The following SELENOF variants were observed in gnomAD, a reference collection of about 807,000 sequenced individuals.
The protein encoded by SELENOF is 15 kDa selenoprotein.
Under a neutral mutation model 20.5 loss-of-function variants are expected in SELENOF, and 16 were observed. That is an observed-to-expected ratio of 0.78 (90% confidence interval 0.53 to 1.19). SELENOF has a LOEUF of 1.19. Among genes scored for constraint, SELENOF ranks in the 50% most tolerant of loss-of-function variants. The pLI is 0.00. For missense variants in SELENOF, 215 were observed against 194.2 expected (o/e 1.11, Z -0.64); for synonymous variants, 78 against 74.5 (o/e 1.05, Z -0.24).
chr1:86,896,048 T>A (rs758433083), intron 2 of SELENOF, among the ~76,000 whole-genome samples: 2 of 151,952 alleles, frequency 1.3e-5, no homozygotes, highest in South Asian at 4.2e-4. Context: ...TCCAACATGG[T>A]GAAACCCCAT....
chr1:86,868,942 G>GA (rs1206205827), intron 3 of SELENOF, among the ~76,000 whole-genome samples: 1 of 152,028 alleles, frequency 6.6e-6, no homozygotes, highest in African/African-American at 2.4e-5. Flanking sequence ...AAATAATTAA[G>GA]AAAAAACACT....
chr1:86,884,348 C>CAT (rs1326179568), intron 2 of SELENOF, among the ~76,000 whole-genome samples: 2 of 64,724 alleles, frequency 3.1e-5, no homozygotes, highest in African/African-American at 2.5e-4. Flanking sequence ...CACATACATA[C>CAT]ACACACACAC....
intron 2 of SELENOF, among the ~76,000 whole-genome samples, chr1:86,881,758 AAC>A (rs1362487042): frequency 6.6e-6 from 1 of 152,206 alleles, no homozygotes; most frequent in Non-Finnish European, 1.5e-5. Context: ...AATGATTCTT[AAC>A]AGTTTGATGA....
chr1:86,866,642 G>A (rs1232443823), intron 4 of SELENOF, among the ~76,000 whole-genome samples: 1 of 151,806 alleles, frequency 6.6e-6, no homozygotes, highest in Non-Finnish European at 1.5e-5. Flanking sequence ...AAAAAAAGAG[G>A]GCAAAAGATC....
chr1:86,889,159 T>C (rs1190502591), intron 2 of SELENOF, among the ~76,000 whole-genome samples: 1 of 152,128 alleles, frequency 6.6e-6, no homozygotes, highest in Non-Finnish European at 1.5e-5. Flanking sequence ...AACGAGGCCA[T>C]TCCACACATT....
In SELENOF at chr1:86,870,077, T is replaced by C. The variant is rs144930793; in HGVS notation, c.317-1975A>G. On this transcript the variant is annotated intron_variant, in intron 3 of 4. Coordinates refer to ENST00000331835, the MANE Select transcript of SELENOF (RefSeq NM_004261.5). The stretch of plus-strand genomic sequence containing the variant: ...CGTGAGCCACTGTAATACATTTTTC[T>C]AAAATAAAAACAATTGTTTCATTTA... Among the ~76,000 whole-genome samples the C allele has an allele frequency of 2.6e-3, 390 of 152,324 alleles. 1 individual carries two copies. Among genetic ancestry groups the C allele is most frequent in the African/African-American group, 9.0e-3 (376 of 41,576 alleles).
intron 2 of SELENOF, among the ~76,000 whole-genome samples, chr1:86,901,453 G>A (rs1659704398): frequency 6.7e-6 from 1 of 149,936 alleles, no homozygotes; most frequent in South Asian, 2.1e-4. Context: ...CACCAGTTTT[G>A]TGCAAAGAGT....
At chr1:86,877,765 T>A (rs188360432) in intron 3 of SELENOF, among the ~76,000 whole-genome samples, 20 of 152,328 alleles carry the variant, frequency 1.3e-4, no homozygotes, top group Admixed American at 7.2e-4. Context: ...TTGCTTTTTT[T>A]AATAAAGTTC....
rs186274942 is a variant in SELENOF at position 86,907,854 on chromosome 1, C to T, written c.85-4406G>A. On this transcript the variant is annotated intron_variant, in intron 1 of 4. Coordinates refer to ENST00000331835, the MANE Select transcript of SELENOF (RefSeq NM_004261.5). Reference sequence around the variant, plus strand: ...CAAAAAAAATTAGCTGGGGTGGTGGCGCACACCTGTAATCTGAGTTACTCA... The same window carrying T: ...CAAAAAAAATTAGCTGGGGTGGTGGTGCACACCTGTAATCTGAGTTACTCA... Among the ~76,000 whole-genome samples, 28 of 152,054 alleles carry T rather than the reference C, an allele frequency of 1.8e-4. No homozygotes were observed. The South Asian group carries it at 2.5e-3, about 14-fold the overall frequency.
In SELENOF at chr1:86,903,288, G is replaced by C. The variant is rs769064402; in HGVS notation, c.245C>G (p.Thr82Ser). 1 of 1,607,538 alleles carries C rather than the reference G, an allele frequency of 6.2e-7. No homozygotes were observed. Among genetic ancestry groups the C allele is most frequent in the Non-Finnish European group, 8.5e-7 (1 of 1,177,614 alleles). The change falls in exon 2 of 5, where the codon ACC becomes AGC. Residue 82 changes from threonine (T) to serine (S), a missense_variant. Coordinates refer to ENST00000331835, the MANE Select transcript of SELENOF (RefSeq NM_004261.5). Reference protein sequence around the residue: ...GCCQEEAQFETKKLYAGAILE... With the variant: ...GCCQEEAQFESKKLYAGAILE... Reference sequence around the variant, plus strand: ...TATACTAGAAAACAGTACCTTTTTGGTTTCAAATTGTGCTTCCTCCTGACA... The same window carrying C: ...TATACTAGAAAACAGTACCTTTTTGCTTTCAAATTGTGCTTCCTCCTGACA...
intron 2 of SELENOF, chr1:86,887,047 GA>G (rs1659238283): frequency 8.2e-6 from 10 of 1,217,528 alleles, no homozygotes; most frequent in Non-Finnish European, 1.1e-5. Context: ...AATTCTCAGG[GA>G]AAATATTATC....
intron 1 of SELENOF, among the ~76,000 whole-genome samples, chr1:86,911,633 G>A (rs1307394479): frequency 6.6e-6 from 1 of 152,158 alleles, no homozygotes; most frequent in East Asian, 1.9e-4. Flanking sequence ...ACTAGTTAAG[G>A]AAGCTGTTGT....
At chr1:86,871,791 T>C (rs1046112197) in intron 3 of SELENOF, among the ~76,000 whole-genome samples, 2 of 148,970 alleles carry the variant, frequency 1.3e-5, no homozygotes, top group Middle Eastern at 3.4e-3. Context: ...TATAAAAAGA[T>C]TGGTATTTGA....
At chr1:86,867,527 C>A (rs79987825) in intron 4 of SELENOF, among the ~76,000 whole-genome samples, 147 of 151,098 alleles carry the variant, frequency 9.7e-4, no homozygotes, top group Non-Finnish European at 1.7e-3. Flanking sequence ...ACAACAACAA[C>A]AAATCAGTGG....
intron 4 of SELENOF, among the ~76,000 whole-genome samples, chr1:86,866,459 G>A (rs1381119835): frequency 6.6e-6 from 1 of 150,896 alleles, no homozygotes; most frequent in African/African-American, 2.4e-5. Context: ...GGCGGGGGTG[G>A]TGGTGGGCAC....
chr1:86,895,965 C>G (rs1172160717), intron 2 of SELENOF, among the ~76,000 whole-genome samples: 8 of 152,166 alleles, frequency 5.3e-5, no homozygotes, highest in Non-Finnish European at 1.2e-4. Flanking sequence ...CGGTGGCTCA[C>G]GCCTGTAATC....
intron 1 of SELENOF, among the ~76,000 whole-genome samples, chr1:86,904,355 A>T (rs1391366322): frequency 6.6e-6 from 1 of 152,242 alleles, no homozygotes; most frequent in East Asian, 1.9e-4. Flanking sequence ...TACATAAAAC[A>T]GATTGCTATG....
rs148213643 is a variant in SELENOF at position 86,876,252 on chromosome 1, GTGAAAGA to G, written c.316+4403_316+4409del. Among the ~76,000 whole-genome samples the G allele has an allele frequency of 1.4e-3, 219 of 152,280 alleles. 1 individual carries two copies. The highest frequency in any genetic ancestry group is 5.0e-3 in the African/African-American group (208 of 41,568). ...CATGGTGACTAACTGGATATAACGTGTGAAAGATCAATCATGATTCTTGTGTTTCATG... is the reference window on the plus strand; with the variant it reads ...CATGGTGACTAACTGGATATAACGTGTCAATCATGATTCTTGTGTTTCATG... On this transcript the variant is annotated intron_variant, in intron 3 of 4. Transcript: ENST00000331835.
At chr1:86,883,730 C>A (rs533877943) in intron 2 of SELENOF, among the ~76,000 whole-genome samples, 1 of 151,900 alleles carries the variant, frequency 6.6e-6, no homozygotes, top group Non-Finnish European at 1.5e-5. Flanking sequence ...AATGATTGTA[C>A]GGAGCACTGC....
Sources: gnomAD v4.1 joint callset for allele counts (sites outside exome capture counted in the v4.1 genomes callset) on GRCh38, gnomAD v4.1.1 for gene constraint, MANE v1.5 for transcripts, NCBI Gene and HGNC (gene_info 2026-07-23, HGNC 2026-07-21) for gene names.